Variants in PCDH15 observed in about 807,000 individuals in gnomAD.
PCDH15 encodes protocadherin related 15, also known as protocadherin-15.
A neutral mutation model predicts 178.5 loss-of-function variants in PCDH15; 129 were observed. The observed-to-expected ratio is 0.72, with a 90% CI of 0.63 to 0.84. The LOEUF is 0.84. PCDH15 is among the 40% of genes least tolerant of loss of function. The probability of loss-of-function intolerance (pLI) is 0.00; values close to 1 mark genes in which losing one functional copy is unlikely to be tolerated. For synonymous variants in PCDH15, 800 were observed against 732.0 expected, an observed-to-expected ratio of 1.09 and a Z score of -1.50; for missense variants, 2,230 against 2,099.9, an observed-to-expected ratio of 1.06 and a Z score of -1.21.
In PCDH15 at chr10:54,598,497, G is replaced by T. The variant is rs550685171; in HGVS notation, c.91+65675C>A. ...CTCAAAATAATAAGAGCCATATATT[G>T]CAAACCCACAGCCAACATCAGACTG... On this transcript the variant is annotated intron_variant, in intron 2 of 37. Coordinates refer to ENST00000644397, the MANE Select transcript of PCDH15 (RefSeq NM_001384140.1). Among the ~76,000 whole-genome samples, 4 of 152,050 alleles carry T rather than the reference G, an allele frequency of 2.6e-5. No individual in the cohort carries two copies. In the East Asian group the frequency reaches 5.8e-4, roughly 22 times the overall value.
intron 1 of PCDH15, among the ~76,000 whole-genome samples, chr10:55,259,608 A>T (rs531669086): frequency 6.6e-6 from 1 of 152,216 alleles, no homozygotes; most frequent in East Asian, 1.9e-4. Flanking sequence ...TACACATTTT[A>T]AAAATAGTTT....
At chr10:55,607,223 G>T (rs200228187) in intron 2 of PCDH15, among the ~76,000 whole-genome samples, 2 of 138,286 alleles carry the variant, frequency 1.4e-5, no homozygotes, top group Non-Finnish European at 3.2e-5. Context: ...AGTTAGAATG[G>T]CAATCATTAA....
At chr10:54,925,428 G>A (rs112100821) in intron 2 of PCDH15, among the ~76,000 whole-genome samples, 2 of 131,524 alleles carry the variant, frequency 1.5e-5, no homozygotes, top group Non-Finnish European at 3.6e-5. Context: ...CTATTCAGGC[G>A]TTTTTTTTTG....
At chr10:55,383,543 A>T (rs12356382) in intron 2 of PCDH15, among the ~76,000 whole-genome samples, 4,533 of 152,246 alleles carry the variant, frequency 0.03, 99 homozygotes, top group Middle Eastern at 0.088. Flanking sequence ...GTCTGTATCA[A>T]TACTAATTAT....
chr10:55,214,770 C>T (rs1840659268), intron 1 of PCDH15, among the ~76,000 whole-genome samples: 1 of 151,978 alleles, frequency 6.6e-6, no homozygotes, highest in Non-Finnish European at 1.5e-5. Context: ...TACCACTATG[C>T]TTGGCTTTAG....
chr10:55,073,871 C>T (rs976163716), intron 2 of PCDH15, among the ~76,000 whole-genome samples: 4 of 151,856 alleles, frequency 2.6e-5, no homozygotes, highest in Admixed American at 2.6e-4. Context: ...CCCCCCATCT[C>T]CCCCGACCAG....
intron 21 of PCDH15, among the ~76,000 whole-genome samples, chr10:53,962,186 A>G (rs1458169123): frequency 1.3e-5 from 2 of 152,120 alleles, no homozygotes; most frequent in South Asian, 2.1e-4. Flanking sequence ...TGTGAATTAC[A>G]TCTTCCTCCC....
intron 17 of PCDH15, among the ~76,000 whole-genome samples, chr10:54,076,642 A>T (rs1006985433): frequency 1.2e-4 from 18 of 152,130 alleles, no homozygotes; most frequent in African/African-American, 4.3e-4. Flanking sequence ...AATAAATTAC[A>T]TGACACATGC....
intron 18 of PCDH15, among the ~76,000 whole-genome samples, chr10:54,027,543 C>G (rs948726410): frequency 2.7e-5 from 4 of 149,892 alleles, no homozygotes; most frequent in Admixed American, 2.0e-4. Flanking sequence ...TCAAACTATA[C>G]TACAAGGCTA....
At chr10:54,366,580 T>C (rs745706423) in intron 5 of PCDH15, among the ~76,000 whole-genome samples, 2 of 151,994 alleles carry the variant, frequency 1.3e-5, no homozygotes, top group Admixed American at 6.6e-5. Context: ...ACTAAACCAA[T>C]AGATAATTCA....
intron 7 of PCDH15, among the ~76,000 whole-genome samples, chr10:54,325,776 T>C (rs1467559828): frequency 2.6e-5 from 4 of 151,634 alleles, no homozygotes; most frequent in Non-Finnish European, 5.9e-5. Context: ...CCAGGTGTGG[T>C]GGTACGTTTG....
At chr10:54,731,567 C>CAA in intron 1 of PCDH15, among the ~76,000 whole-genome samples, 1 of 39,634 alleles carries the variant, frequency 2.5e-5, no homozygotes, top group Non-Finnish European at 7.3e-5. Flanking sequence ...TATATATACA[C>CAA]ACACACACAC....
At chr10:54,502,650 A>T (rs2080803483) in intron 3 of PCDH15, among the ~76,000 whole-genome samples, 1 of 152,104 alleles carries the variant, frequency 6.6e-6, no homozygotes, top group South Asian at 2.1e-4. Context: ...GTAAAATTCC[A>T]TTTGATATTT....
chr10:54,247,913 T>C (rs988710718), intron 8 of PCDH15, among the ~76,000 whole-genome samples: 1 of 146,986 alleles, frequency 6.8e-6, no homozygotes, highest in African/African-American at 2.5e-5. Flanking sequence ...CATTGCATGA[T>C]TGATGTGAGG....
At position 54,717,547 on chromosome 10, in the gene PCDH15, A is replaced by G. The variant is rs1031559643; in HGVS notation, c.-28-53257T>C. ...ACTGGCCATCAGAGAAATGCAAATCAAAACCACAATGAGATATCATCTCAC... is the reference window on the plus strand; with the variant it reads ...ACTGGCCATCAGAGAAATGCAAATCGAAACCACAATGAGATATCATCTCAC... On this transcript the variant is annotated intron_variant, in intron 1 of 37. Coordinates refer to ENST00000644397, the MANE Select transcript of PCDH15 (RefSeq NM_001384140.1). Among the ~76,000 whole-genome samples the G allele has an allele frequency of 8.3e-5, 12 of 144,300 alleles. 2 individuals carry two copies. Among genetic ancestry groups the G allele is most frequent in the Non-Finnish European group, 1.7e-4 (11 of 66,074 alleles). 94.7% of individuals were successfully genotyped at this position (144,300 alleles called of 152,430 possible).
chr10:55,550,228 C>T (rs1225712004), intron 2 of PCDH15, among the ~76,000 whole-genome samples: 11 of 152,108 alleles, frequency 7.2e-5, no homozygotes, highest in African/African-American at 2.7e-4. Context: ...TTTTATATTT[C>T]TATCCTTTAT....
intron 2 of PCDH15, among the ~76,000 whole-genome samples, chr10:54,953,950 A>AT (rs1203090593): frequency 2.6e-5 from 4 of 151,098 alleles, no homozygotes; most frequent in African/African-American, 7.3e-5. Flanking sequence ...TTTTGATAGG[A>AT]TTTTTTTCTG....
At chr10:54,433,833 C>T (rs2075187236) in intron 3 of PCDH15, among the ~76,000 whole-genome samples, 1 of 151,790 alleles carries the variant, frequency 6.6e-6, no homozygotes. Flanking sequence ...TATTATGTAC[C>T]CAAAAATATT....
intron 2 of PCDH15, among the ~76,000 whole-genome samples, chr10:54,533,226 T>C (rs2084116002): frequency 6.6e-6 from 1 of 152,224 alleles, no homozygotes; most frequent in South Asian, 2.1e-4. Context: ...ATAAAATTGG[T>C]TTCATTTTAT....
Sources: gnomAD v4.1 joint callset for allele counts (sites outside exome capture counted in the v4.1 genomes callset) on GRCh38, gnomAD v4.1.1 for gene constraint, MANE v1.5 for transcripts, NCBI Gene and HGNC (gene_info 2026-07-23, HGNC 2026-07-21) for gene names.